Variants in ROBO2 observed in about 807,000 individuals in gnomAD.
The protein encoded by ROBO2 is roundabout homolog 2.
Under a neutral mutation model 160.8 loss-of-function variants are expected in ROBO2, and 53 were observed. The observed-to-expected ratio is 0.33, with a 90% CI of 0.26 to 0.41. ROBO2 has a LOEUF of 0.41. Ranked by LOEUF, ROBO2 falls within the 10% of genes least tolerant of loss-of-function variation. The pLI, the probability that ROBO2 is intolerant of heterozygous loss-of-function variation, is 1.00. For synonymous variants in ROBO2, 664 were observed against 611.7 expected (o/e 1.09, Z -1.26); for missense variants, 1,577 against 1,722.4 (o/e 0.92, Z 1.49).
Position 76,308,332 on chromosome 3 carries a change from G to A in ROBO2, c.109+370730G>A, listed in dbSNP as rs528116253. Among the ~76,000 whole-genome samples the A allele has an allele frequency of 5.6e-5, 7 of 124,186 alleles. No homozygotes were observed. The South Asian group carries it at 7.8e-4, about 14-fold the overall frequency. 81.5% of individuals were successfully genotyped at this position (124,186 alleles called of 152,430 possible). ...GCGGAGGTTGCAATAAGGCGAGATC[G>A]CACCACTGCCCTCCAGCCTGGGTGA... On this transcript the variant is annotated intron_variant, in intron 2 of 26. Transcript: ENST00000487694.
chr3:76,496,350 A>G (rs2080151426), intron 2 of ROBO2, among the ~76,000 whole-genome samples: 1 of 152,244 alleles, frequency 6.6e-6, no homozygotes, highest in East Asian at 1.9e-4. Context: ...CAAAATTTCC[A>G]TAAAAACCCC....
intron 4 of ROBO2, among the ~76,000 whole-genome samples, chr3:77,490,380 A>G (rs531437515): frequency 8.2e-4 from 125 of 151,928 alleles, no homozygotes; most frequent in Middle Eastern, 3.4e-3. Flanking sequence ...GTGAGCCACC[A>G]CGCCCGGCCT....
intron 2 of ROBO2, among the ~76,000 whole-genome samples, chr3:76,751,882 G>A (rs1185092497): frequency 6.6e-6 from 1 of 152,146 alleles, no homozygotes; most frequent in Non-Finnish European, 1.5e-5. Flanking sequence ...AAGACAGTGT[G>A]GCGATTCCTC....
chr3:76,942,638 A>C (rs1014473468), intron 2 of ROBO2, among the ~76,000 whole-genome samples: 3 of 152,168 alleles, frequency 2.0e-5, no homozygotes, highest in Admixed American at 1.3e-4. Flanking sequence ...GGGAAAAGGC[A>C]GAATGGAAAC....
chr3:76,459,369 G>A (rs1368381193), intron 2 of ROBO2, among the ~76,000 whole-genome samples: 1 of 151,972 alleles, frequency 6.6e-6, no homozygotes, highest in Non-Finnish European at 1.5e-5. Context: ...AAAGATGAGT[G>A]GCAAAAAGAA....
At chr3:77,599,655 T>A (rs1439771799) in intron 19 of ROBO2, among the ~76,000 whole-genome samples, 3 of 151,540 alleles carry the variant, frequency 2.0e-5, no homozygotes, top group African/African-American at 4.9e-5. Context: ...AATAAAAAAA[T>A]AAATAAAAAA....
chr3:76,375,648 A>C (rs998080184), intron 2 of ROBO2, among the ~76,000 whole-genome samples: 7 of 152,008 alleles, frequency 4.6e-5, no homozygotes, highest in African/African-American at 1.7e-4. Flanking sequence ...CTGGTGAATT[A>C]ATGAGGCACT....
At chr3:76,767,916 T>A (rs940968876) in intron 2 of ROBO2, among the ~76,000 whole-genome samples, 3 of 151,516 alleles carry the variant, frequency 2.0e-5, no homozygotes, top group Non-Finnish European at 4.4e-5. Flanking sequence ...TGGGATCTAC[T>A]TTTTTGAAGT....
intron 2 of ROBO2, among the ~76,000 whole-genome samples, chr3:76,809,149 C>A (rs2064968890): frequency 6.6e-6 from 1 of 152,152 alleles, no homozygotes; most frequent in South Asian, 2.1e-4. Context: ...TGGACAGTTT[C>A]TGTGGGTCAA....
intron 2 of ROBO2, among the ~76,000 whole-genome samples, chr3:76,910,619 G>A (rs951865078): frequency 2.0e-5 from 3 of 150,604 alleles, no homozygotes; most frequent in East Asian, 2.0e-4. Flanking sequence ...CGAGCTACTC[G>A]GGAGGCTGAG....
At chr3:76,227,564 A>T (rs1294340461) in intron 2 of ROBO2, among the ~76,000 whole-genome samples, 2 of 152,170 alleles carry the variant, frequency 1.3e-5, no homozygotes, top group Non-Finnish European at 2.9e-5. Flanking sequence ...TTCATTTTTG[A>T]TAGCATCTAT....
intron 2 of ROBO2, among the ~76,000 whole-genome samples, chr3:76,337,223 A>G (rs2073950083): frequency 6.6e-6 from 1 of 152,186 alleles, no homozygotes; most frequent in Non-Finnish European, 1.5e-5. Context: ...GGCCCACTGC[A>G]AATTATCAGT....
At chr3:76,675,071 C>G (rs1216747300) in intron 2 of ROBO2, among the ~76,000 whole-genome samples, 1 of 152,088 alleles carries the variant, frequency 6.6e-6, no homozygotes, top group Non-Finnish European at 1.5e-5. Context: ...GAAAAGCAGC[C>G]CATAGCCATA....
chr3:76,570,652 T>C (rs1018571615), intron 2 of ROBO2, among the ~76,000 whole-genome samples: 11 of 152,212 alleles, frequency 7.2e-5, no homozygotes, highest in Non-Finnish European at 1.0e-4. Context: ...CTCCCTCTAC[T>C]GTTCAAATAT....
intron 2 of ROBO2, among the ~76,000 whole-genome samples, chr3:76,361,767 C>T (rs1022848277): frequency 4.6e-5 from 7 of 151,944 alleles, no homozygotes; most frequent in African/African-American, 1.7e-4. Context: ...TGAAAAGAAA[C>T]ACACCGTGAA....
At chr3:76,140,131 A>G (rs2071576719) in intron 2 of ROBO2, among the ~76,000 whole-genome samples, 2 of 152,096 alleles carry the variant, frequency 1.3e-5, no homozygotes, top group South Asian at 4.1e-4. Flanking sequence ...GCTAGCATTC[A>G]TTAATCAAGT....
chr3:77,617,924 C>A, intron 22 of ROBO2, 151 bp downstream of exon 23: 1 of 830,874 alleles, frequency 1.2e-6, no homozygotes, highest in Non-Finnish European at 1.9e-6. Flanking sequence ...AATGTATCCA[C>A]TGAGAAATGT....
Position 76,816,769 on chromosome 3 carries a change from A to G in ROBO2, c.110-281245A>G, listed in dbSNP as rs140338719. ...CATGCTGCTATAAAGACACATGCAC[A>G]TATATGTTTATTGTGGCACTATTCA... is the stretch of plus-strand genomic sequence containing the variant. On this transcript the variant is annotated intron_variant, in intron 2 of 26. Coordinates refer to the ROBO2 transcript ENST00000487694. Among the ~76,000 whole-genome samples the G allele has an allele frequency of 4.4e-3, 676 of 152,194 alleles. 7 individuals carry two copies. The highest frequency in any genetic ancestry group is 0.015 in the African/African-American group (623 of 41,552).
At chr3:77,016,341 G>T (rs1384863587) in intron 2 of ROBO2, among the ~76,000 whole-genome samples, 1 of 151,746 alleles carries the variant, frequency 6.6e-6, no homozygotes, top group African/African-American at 2.4e-5. Context: ...GCAGGTCATG[G>T]TGCCACTGTA....
Sources: gnomAD v4.1 joint callset for allele counts (sites outside exome capture counted in the v4.1 genomes callset) on GRCh38, gnomAD v4.1.1 for gene constraint, MANE v1.5 for transcripts, NCBI Gene and HGNC (gene_info 2026-07-23, HGNC 2026-07-21) for gene names.